The following FIBP variants were observed in gnomAD, a reference collection of about 807,000 sequenced individuals.
FIBP encodes the protein FGF1 intracellular binding protein.
In FIBP, 29 loss-of-function variants were observed where a neutral mutation model predicts 40.5. The observed-to-expected ratio is 0.72, with a 90% CI of 0.53 to 0.98. FIBP has a LOEUF of 0.98. Among genes scored for constraint, FIBP ranks in the 50% least tolerant of loss-of-function variants. The probability of loss-of-function intolerance (pLI) is 0.00; values close to 1 mark genes in which losing one functional copy is unlikely to be tolerated. For missense variants in FIBP, 411 were observed against 470.2 expected (o/e 0.87, Z 1.16); for synonymous variants, 215 against 191.1 (o/e 1.13, Z -1.03).
chr11:65,888,367 C>T lies in FIBP; in HGVS notation c.52G>A (p.Asp18Asn), dbSNP rs1334418620. 9.0e-6 allele frequency: 14 copies of T among 1,562,788 alleles called. No individual in the cohort carries two copies. Among genetic ancestry groups the T allele is most frequent in the Non-Finnish European group, 1.0e-5 (12 of 1,153,078 alleles). ...FVGNTTLIDE[D>N]VYRLWLDGYS... Reference sequence around the variant, plus strand: ...CCATCGAGCCAGAGGCGATACACGTCCTCGTCGATAAGGGTCGTGTTCCCC... The same window carrying T: ...CCATCGAGCCAGAGGCGATACACGTTCTCGTCGATAAGGGTCGTGTTCCCC... The change falls in exon 1 of 10, where the codon GAC (aspartate) becomes AAC (asparagine). Residue 18 changes from aspartate to asparagine, a missense_variant. Transcript: ENST00000357519.
In FIBP at chr11:65,884,644, C is replaced by A; in HGVS notation, c.832G>T (p.Gly278Trp). Residue 278 changes from glycine (G) to tryptophan (W), a missense_variant, in exon 8 of 10, where the codon GGG becomes TGG. Gly to Trp is a radical substitution (Grantham distance 184, BLOSUM62 -2). Transcript: ENST00000357519. ...MEANFKNLSRGLVNVAAKLTH... is the reference protein window; with the variant it reads ...MEANFKNLSRWLVNVAAKLTH... The stretch of plus-strand genomic sequence containing the variant: ...AGCTTGGCGGCCACGTTCACCAGCC[C>A]CCGGGACAGGTTCTGTGGGGCAGGG... 6.2e-7 allele frequency: 1 copy of A among 1,614,128 alleles called. No homozygotes were observed. Among genetic ancestry groups the A allele is most frequent in the East Asian group, 2.2e-5 (1 of 44,888 alleles).
Position 65,887,651 on chromosome 11 carries a change from C to T in FIBP, c.360G>A (p.Leu120=), listed in dbSNP as rs144695751. The stretch of plus-strand genomic sequence containing the variant: ...TGCCTGTTTTGGTGCTGATGTCATC[C>T]AGGTCTTTCTTGGTGCCTTTGGACA... ...KKLSKGTKKD[L]DDISTKTGIT... The change falls in exon 3 of 10, where the codon CTG becomes CTA. Residue 120 remains leucine, a synonymous_variant. Transcript: ENST00000357519. 240 of 1,614,034 alleles carry T rather than the reference C, an allele frequency of 1.5e-4. No individual in the cohort carries two copies. The highest frequency in any genetic ancestry group is 2.0e-4 in the Non-Finnish European group (231 of 1,180,026).
chr11:65,885,003 A>G lies in FIBP; in HGVS notation c.756-5T>C, dbSNP rs966531260. The G allele has an allele frequency of 1.9e-6, 3 of 1,614,070 alleles. No homozygotes were observed. The African/African-American group carries it at 4.0e-5, about 22-fold the overall frequency. On this transcript the variant is annotated splice_region_variant and splice_polypyrimidine_tract_variant and intron_variant, in intron 6 of 9. Transcript: ENST00000357519. ...CGGAGAGCAGTGCACACCAGGCTGC[A>G]GAGAGACAGGGTCACGCCTATAGCC...
At chr11:65,887,176 G>A (rs1860257814) in intron 3 of FIBP, 1 of 337,872 alleles carries the variant, frequency 3.0e-6, no homozygotes, top group Non-Finnish European at 5.8e-6. Context: ...GCCAGGCACG[G>A]TGGCTCACGC....
At chr11:65,885,388 C>T in intron 5 of FIBP, 142 bp downstream of exon 5, 1 of 1,090,608 alleles carries the variant, frequency 9.2e-7, no homozygotes, top group Non-Finnish European at 1.3e-6. Flanking sequence ...GGAAAACATT[C>T]TATGGGCAGG....
chr11:65,885,976 T>C lies in FIBP; in HGVS notation c.513-313A>G, dbSNP rs36048695. 1.1e-3 allele frequency: 504 copies of C among 440,956 alleles called. 1 individual carries two copies. The highest frequency in any genetic ancestry group is 9.3e-3 in the African/African-American group (471 of 50,878). 27.3% of individuals were successfully genotyped at this position (440,956 alleles called of 1,614,324 possible). A position where few individuals can be genotyped will look rare whatever the true frequency, so the allele number is the denominator to read the frequency against. ...TCTCAACAGCCCAGCTGGAAATCGC[T>C]GGACTGTGCTTTGAATCCAGGTCAG... On this transcript the variant is annotated intron_variant, in intron 4 of 9. Coordinates refer to ENST00000357519, the MANE Select transcript of FIBP (RefSeq NM_004214.5).
chr11:65,884,256 C>T, intron 9 of FIBP, 136 bp downstream of exon 9: 1 of 846,418 alleles, frequency 1.2e-6, no homozygotes, highest in Admixed American at 2.3e-5. Flanking sequence ...GAGGGAGAGC[C>T]AGAGCTTTGG....
intron 3 of FIBP, chr11:65,886,931 A>C (rs1860252032): frequency 5.9e-6 from 1 of 170,194 alleles, no homozygotes; most frequent in African/African-American, 2.4e-5. Flanking sequence ...AGTACCCTCC[A>C]GGTAGAAGCA....
Position 65,887,698 on chromosome 11 carries a change from G to T in FIBP, c.313C>A (p.Arg105=). The T allele has an allele frequency of 6.2e-7, 1 of 1,614,098 alleles. No individual in the cohort carries two copies. The highest frequency in any genetic ancestry group is 1.6e-4 in the Middle Eastern group (1 of 6,062). ...GACAGCTTCTTGCCCAGCACCTCCC[G>T]AACAAAGGCCTCATCAAAGGCATAG... The part of the protein sequence containing the change: ...RYYAFDEAFV[R]EVLGKKLSKG... The change falls in exon 3 of 10, where the codon CGG becomes AGG. Residue 105 remains arginine, a synonymous_variant. Transcript: ENST00000357519.
At chr11:65,887,333 C>G in intron 3 of FIBP, 2 of 476,078 alleles carry the variant, frequency 4.2e-6, no homozygotes. Flanking sequence ...GTAATCTCAG[C>G]TACTGCAGAG....
intron 7 of FIBP, 134 bp downstream of exon 7, chr11:65,884,801 C>A (rs1860187877): frequency 7.5e-7 from 1 of 1,335,192 alleles, no homozygotes; most frequent in African/African-American, 1.4e-5. Flanking sequence ...ATGAGCTGCT[C>A]CCGTCAGCGG....
rs765227667 is a variant in FIBP, at chr11:65,885,620, T to A, written c.556A>T (p.Thr186Ser). 1.7e-5 allele frequency: 28 copies of A among 1,614,036 alleles called. No homozygotes were observed. Among genetic ancestry groups the A allele is most frequent in the Admixed American group, 1.0e-4 (6 of 59,994 alleles). Residue 186 changes from threonine to serine, a missense_variant, in exon 5 of 10, where the codon ACA (threonine) becomes TCA (serine). Thr to Ser is a moderately conservative substitution (Grantham distance 58). Coordinates refer to ENST00000357519, the MANE Select transcript of FIBP (RefSeq NM_004214.5). ...IVFFANNRFE[T>S]GKKKLQYLSF... ...AGATACTGCAGTTTTTTCTTCCCTG[T>A]CTCAAAGCGGTTGTTAGCAAAGAAG...
Position 65,885,662 on chromosome 11 carries a change from C to G in FIBP, c.514G>C (p.Asp172His). 6.2e-7 allele frequency: 1 copy of G among 1,611,172 alleles called. No homozygotes were observed. Among genetic ancestry groups the G allele is most frequent in the Non-Finnish European group, 8.5e-7 (1 of 1,178,150 alleles). Reference sequence around the variant, plus strand: ...GCAAAGAAGACGATGGCTGCATAGTCCCTGCACAGACGAGAGGAGGGTCCT... The same window carrying G: ...GCAAAGAAGACGATGGCTGCATAGTGCCTGCACAGACGAGAGGAGGGTCCT... ...HFLLSDRLAR[D>H]YAAIVFFANN... Residue 172 changes from aspartate (D) to histidine (H), a missense_variant and splice_region_variant, in exon 5 of 10, where the codon GAC becomes CAC. Asp to His is a moderately conservative substitution (Grantham distance 81). Coordinates refer to ENST00000357519, the MANE Select transcript of FIBP (RefSeq NM_004214.5).
rs1406166127 is a variant in FIBP, at chr11:65,886,312, A to G, written c.512+10T>C. Reference sequence around the variant, plus strand: ...TAGTGTGCGGGATGGGGAGGTGGCTAGCTCCTCACCTGGCCAACCGGTCAG... The same window carrying G: ...TAGTGTGCGGGATGGGGAGGTGGCTGGCTCCTCACCTGGCCAACCGGTCAG... On this transcript the variant is annotated intron_variant, in intron 4 of 9. Transcript: ENST00000357519. 1 of 1,597,148 alleles carries G rather than the reference A, an allele frequency of 6.3e-7. No homozygotes were observed.
Position 65,887,679 on chromosome 11 carries a change from T to C in FIBP, c.332A>G (p.Lys111Arg), listed in dbSNP as rs1468444542. 1.9e-6 allele frequency: 3 copies of C among 1,614,218 alleles called. No homozygotes were observed. In the Admixed American group the frequency reaches 5.0e-5, roughly 27 times the overall value. The change falls in exon 3 of 10, where the codon AAG becomes AGG. Residue 111 changes from lysine (K) to arginine (R), a missense_variant. By Grantham distance (26) the Lys-to-Arg change is conservative. Coordinates refer to ENST00000357519, the MANE Select transcript of FIBP (RefSeq NM_004214.5). ...GTCTTTCTTGGTGCCTTTGGACAGC[T>C]TCTTGCCCAGCACCTCCCGAACAAA... is the stretch of plus-strand genomic sequence containing the variant. ...EAFVREVLGK[K>R]LSKGTKKDLD...
chr11:65,885,336 G>A, intron 5 of FIBP, 150 bp from the exon 6 acceptor site: 2 of 898,278 alleles, frequency 2.2e-6, no homozygotes, highest in Non-Finnish European at 3.5e-6. Flanking sequence ...CCAGGCCACA[G>A]AGAGGCAATG....
At chr11:65,884,222 TG>T (rs1276633492) in intron 9 of FIBP, 169 bp downstream of exon 9, 4 of 760,346 alleles carry the variant, frequency 5.3e-6, no homozygotes, top group Non-Finnish European at 8.7e-6. Context: ...TTAAGAAACC[TG>T]CCCCAAATCA....
At chr11:65,886,267 G>A (rs969345594) in intron 4 of FIBP, 55 bp downstream of exon 4, 67 of 1,244,046 alleles carry the variant, frequency 5.4e-5, no homozygotes, top group African/African-American at 1.3e-4. Context: ...GAAGGTGGAC[G>A]AGCCTCCGGG....
Position 65,883,958 on chromosome 11 carries a change from A to G in FIBP, c.*16T>C, listed in dbSNP as rs751873866. 6 of 1,612,626 alleles carry G rather than the reference A, an allele frequency of 3.7e-6. No individual in the cohort carries two copies. The highest frequency in any genetic ancestry group is 5.1e-6 in the Non-Finnish European group (6 of 1,178,920). ...GCAACTTTATTGTCAGCGTGGGCGG[A>G]GCGTTGGGAGGCACCTCAGTCATGA... On this transcript the variant is annotated 3_prime_UTR_variant, in exon 10 of 10. Transcript: ENST00000357519.
Sources: gnomAD v4.1 joint callset for allele counts on GRCh38, gnomAD v4.1.1 for gene constraint, MANE v1.5 for transcripts, NCBI Gene and HGNC (gene_info 2026-07-23, HGNC 2026-07-21) for gene names.